The following PRDM7 variants were observed in gnomAD, a reference collection of about 807,000 sequenced individuals.
The protein encoded by PRDM7 is histone-lysine N-methyltransferase PRDM7.
PRDM7 carries 52 observed loss-of-function variants against 64.3 expected under a neutral mutation model. The observed-to-expected ratio is 0.81, with a 90% CI of 0.65 to 1.02. The LOEUF (loss-of-function observed/expected upper bound fraction) is 1.02. Ranked by LOEUF, PRDM7 falls within the 50% of genes least tolerant of loss-of-function variation. The pLI is 0.00. For synonymous variants in PRDM7, 192 were observed against 210.1 expected (o/e 0.91, Z 0.74); for missense variants, 574 against 597.1 (o/e 0.96, Z 0.40).
Position 90,060,609 on chromosome 16 carries a change from G to T in PRDM7, c.965C>A (p.Ala322Asp), listed in dbSNP as rs2037759528. 1 of 1,613,946 alleles carries T rather than the reference G, an allele frequency of 6.2e-7. No individual in the cohort carries two copies. The highest frequency in any genetic ancestry group is 1.7e-5 in the Admixed American group (1 of 59,992). ...SANWMRYVNC[A>D]RDDEEQNLVA... ...CAGGTTCTGCTCTTCATCATCCCGG[G>T]CACAGTTCACATACCTGGGGTCAAG... The change falls in exon 10 of 11, where the codon GCC (alanine) becomes GAC (aspartate). Residue 322 changes from alanine (A) to aspartate (D), a missense_variant. By Grantham distance (126) the Ala-to-Asp change is moderately radical. Transcript: ENST00000449207.
Position 90,058,078 on chromosome 16 carries a change from C to A in PRDM7, c.*211G>T, listed in dbSNP as rs1445958708. 2 of 1,613,588 alleles carry A rather than the reference C, an allele frequency of 1.2e-6. No homozygotes were observed. The highest frequency in any genetic ancestry group is 1.1e-5 in the South Asian group (1 of 91,080). ...GTGTGTAATAACATCTGACTTATCA[C>A]TGAAACCTTGCCCACACTCTCCATA... On this transcript the variant is annotated 3_prime_UTR_variant, in exon 11 of 11. Coordinates refer to ENST00000449207, the MANE Select transcript of PRDM7 (RefSeq NM_001098173.2).
intron 4 of PRDM7, among the ~76,000 whole-genome samples, chr16:90,073,353 C>T (rs574616000): frequency 3.3e-5 from 5 of 151,580 alleles, no homozygotes; most frequent in Admixed American, 3.3e-4. Context: ...GATTTATTAA[C>T]ATTGTTTAGC....
chr16:90,064,989 G>A (rs2037847764), intron 5 of PRDM7, among the ~76,000 whole-genome samples: 1 of 150,980 alleles, frequency 6.6e-6, no homozygotes, highest in African/African-American at 2.5e-5. Context: ...AAAGTGCTGG[G>A]ATTACAGGTG....
rs199642434 is a variant in PRDM7, at chr16:90,072,230, C to CAA, written c.301+2684_301+2685dup. Among the ~76,000 whole-genome samples the CAA allele has an allele frequency of 6.6e-3, 702 of 107,000 alleles. 5 individuals are homozygous for CAA. The highest frequency in any genetic ancestry group is 0.014 in the African/African-American group (380 of 26,432). The allele number at this position is 107,000 out of a possible 152,430, so 70.2% of individuals were successfully genotyped here. ...TGGGCGACAGAGCGAGACTCCATCTCAAAAAAAAAAAAAAAGAATTAAAAA... is the reference window on the plus strand; with the variant it reads ...TGGGCGACAGAGCGAGACTCCATCTCAAAAAAAAAAAAAAAAAGAATTAAAAA... On this transcript the variant is annotated intron_variant, in intron 4 of 10. Transcript: ENST00000449207.
intron 4 of PRDM7, among the ~76,000 whole-genome samples, chr16:90,074,161 G>C (rs762241270): frequency 2.0e-5 from 3 of 151,914 alleles, no homozygotes; most frequent in Non-Finnish European, 2.9e-5. Flanking sequence ...TTGGGAAGCT[G>C]AGGTGGGAGG....
intron 4 of PRDM7, among the ~76,000 whole-genome samples, chr16:90,071,883 G>T (rs932655105): frequency 1.3e-5 from 2 of 152,088 alleles, no homozygotes; most frequent in Non-Finnish European, 2.9e-5. Flanking sequence ...TCCACTTCTG[G>T]GTATATAATA....
At chr16:90,062,902 A>G (rs554104726) in intron 6 of PRDM7, among the ~76,000 whole-genome samples, 1 of 152,344 alleles carries the variant, frequency 6.6e-6, no homozygotes, top group African/African-American at 2.4e-5. Flanking sequence ...GGAAAAGGAA[A>G]TGTAGAAACG....
In PRDM7 at chr16:90,058,338, A is replaced by G; in HGVS notation, c.1430T>C (p.Val477Ala). ...TCTCTTGACCTTTGGTTTTGTCATT[A>G]CAGCAGCGTGGATCAGAATATTGCC... ...RSGNILIHAA[V>A]MTKPKVKRSK... is the part of the protein sequence containing the mutation. Residue 477 changes from valine (V) to alanine (A), a missense_variant, in exon 11 of 11, where the codon GTA becomes GCA. Val to Ala is a moderately conservative substitution (Grantham distance 64). Transcript: ENST00000449207. 6.2e-7 allele frequency: 1 copy of G among 1,614,170 alleles called. No homozygotes were observed. Among genetic ancestry groups the G allele is most frequent in the Non-Finnish European group, 8.5e-7 (1 of 1,180,032 alleles).
rs868079271 is a variant in PRDM7 at position 90,062,478 on chromosome 16, C to T, written c.533G>A (p.Gly178Glu). Reference sequence around the variant, plus strand: ...TCTTTCTCGCAGGCTATACATCTTTCCTTCAGTCTCCTTCCTCCTGAGTTC... The same window carrying T: ...TCTTTCTCGCAGGCTATACATCTTTTCTTCAGTCTCCTTCCTCCTGAGTTC... ...KLELRRKETE[G>E]KMYSLRERKG... Residue 178 changes from glycine to glutamate, a missense_variant, in exon 7 of 11, where the codon GGA (glycine) becomes GAA (glutamate). By Grantham distance (98) the Gly-to-Glu change is moderately conservative. Transcript: ENST00000449207. 6.2e-7 allele frequency: 1 copy of T among 1,614,048 alleles called. No individual in the cohort carries two copies. Among genetic ancestry groups the T allele is most frequent in the Non-Finnish European group, 8.5e-7 (1 of 1,179,940 alleles).
intron 10 of PRDM7, among the ~76,000 whole-genome samples, chr16:90,059,714 C>G (rs575237137): frequency 5.0e-4 from 76 of 152,236 alleles, no homozygotes; most frequent in Non-Finnish European, 1.1e-3. Flanking sequence ...CCAGGTCTCA[C>G]ACTGACCTCA....
intron 5 of PRDM7, among the ~76,000 whole-genome samples, chr16:90,064,641 T>G (rs991609134): frequency 1.4e-5 from 2 of 143,664 alleles, no homozygotes; most frequent in African/African-American, 5.7e-5. Flanking sequence ...CTAGAACTCC[T>G]CACCTCAAGT....
At chr16:90,065,903 G>A (rs2037866401) in intron 5 of PRDM7, among the ~76,000 whole-genome samples, 1 of 151,182 alleles carries the variant, frequency 6.6e-6, no homozygotes. Flanking sequence ...ACACTCAGGA[G>A]GCTCTCAGAG....
intron 5 of PRDM7, among the ~76,000 whole-genome samples, chr16:90,065,804 G>C (rs1269062087): frequency 6.6e-6 from 1 of 151,388 alleles, no homozygotes; most frequent in Admixed American, 6.6e-5. Context: ...TATCTCTACA[G>C]TTGAAATCTA....
chr16:90,067,029 A>G, intron 4 of PRDM7, 119 bp from the exon 5 acceptor site: 2 of 805,160 alleles, frequency 2.5e-6, no homozygotes, highest in Admixed American at 1.8e-5. Flanking sequence ...CAGTGGCACA[A>G]TCTCCCCTCA....
At chr16:90,076,264 G>C (rs557168424) in intron 1 of PRDM7, among the ~76,000 whole-genome samples, 6 of 152,162 alleles carry the variant, frequency 3.9e-5, no homozygotes, top group Non-Finnish European at 7.3e-5. Context: ...GTGCCTGGAG[G>C]GTTGTAGCTA....
intron 4 of PRDM7, among the ~76,000 whole-genome samples, chr16:90,071,483 G>A (rs1395845236): frequency 6.6e-6 from 1 of 152,164 alleles, no homozygotes; most frequent in African/African-American, 2.4e-5. Flanking sequence ...TCTGGAGGCT[G>A]GGAAGTTGAA....
chr16:90,058,115 C>T lies in PRDM7; in HGVS notation c.*174G>A. 2 of 1,614,146 alleles carry T rather than the reference C, an allele frequency of 1.2e-6. No homozygotes were observed. The highest frequency in any genetic ancestry group is 1.7e-6 in the Non-Finnish European group (2 of 1,179,984). On this transcript the variant is annotated 3_prime_UTR_variant, in exon 11 of 11. Transcript: ENST00000449207. ...CCACACTCTCCATATTTGACTTTCG[C>T]AATTCTTGAGATTCCTACCCCCACA...
chr16:90,065,250 G>A (rs1173012601), intron 5 of PRDM7, among the ~76,000 whole-genome samples: 13 of 148,536 alleles, frequency 8.8e-5, no homozygotes, highest in African/African-American at 3.1e-4. Context: ...AAAACTAGCC[G>A]GGTGTGGTGG....
At chr16:90,061,899 G>A (rs763905265) in intron 8 of PRDM7, 22 bp downstream of exon 8, 1 of 1,614,134 alleles carries the variant, frequency 6.2e-7, no homozygotes, top group Non-Finnish European at 8.5e-7. Context: ...ACAGAACAGG[G>A]GAAACAGCAG....
Sources: allele counts gnomAD v4.1 joint callset (sites outside exome capture counted in the v4.1 genomes callset), GRCh38; gene constraint gnomAD v4.1.1; transcripts MANE v1.5; gene names NCBI Gene and HGNC (gene_info 2026-07-23, HGNC 2026-07-21).